Variants in FOXN3 observed in about 807,000 individuals in gnomAD.
FOXN3 encodes forkhead box protein N3.
In FOXN3, 7 loss-of-function variants were observed where a neutral mutation model predicts 38.4. The observed-to-expected ratio is 0.18, with a 90% confidence interval of 0.10 to 0.34. FOXN3 has a LOEUF of 0.34. FOXN3 is among the 10% of genes least tolerant of loss of function. FOXN3 has a pLI of 1.00. For synonymous variants in FOXN3, 230 were observed against 242.2 expected, an observed-to-expected ratio of 0.95 and a Z score of 0.47; for missense variants, 456 against 613.4, an observed-to-expected ratio of 0.74 and a Z score of 2.71.
intron 1 of FOXN3, among the ~76,000 whole-genome samples, chr14:89,447,203 GA>G (rs11384819): frequency 6.8e-4 from 92 of 136,226 alleles, no homozygotes; most frequent in Non-Finnish European, 7.8e-4. Flanking sequence ...TCACAAAAAG[GA>G]AAAAAAAAAA....
rs1034566394 is a variant in FOXN3 at position 89,193,003 on chromosome 14, A to AG, written c.746-12198dup. On this transcript the variant is annotated intron_variant, in intron 4 of 5. Coordinates refer to ENST00000557258, the MANE Select transcript of FOXN3 (RefSeq NM_005197.4). The stretch of plus-strand genomic sequence containing the variant: ...AGTCACAAGGGACAAGCAGTTCCTA[A>AG]GGGGGGCTGTTAAGGCCTCAGGCCT... 5.3e-5 allele frequency among the ~76,000 whole-genome samples: 8 copies of AG among 151,944 alleles called. No homozygotes were observed. The South Asian group carries it at 1.7e-3, about 32-fold the overall frequency.
intron 3 of FOXN3, among the ~76,000 whole-genome samples, chr14:89,318,480 T>C (rs957311607): frequency 2.0e-5 from 3 of 152,124 alleles, no homozygotes; most frequent in Admixed American, 1.3e-4. Flanking sequence ...CTCTCATTCA[T>C]TGATTCAGCA....
chr14:89,396,025 A>T (rs906292835), intron 2 of FOXN3, among the ~76,000 whole-genome samples: 1 of 152,200 alleles, frequency 6.6e-6, no homozygotes, highest in African/African-American at 2.4e-5. Context: ...GGATTTCATC[A>T]ATGGCTAAAT....
intron 2 of FOXN3, among the ~76,000 whole-genome samples, chr14:89,389,720 A>G (rs1025386182): frequency 1.8e-4 from 28 of 152,154 alleles, no homozygotes; most frequent in Non-Finnish European, 1.5e-5. Flanking sequence ...TAGGTGGCCA[A>G]ATTCACCATA....
intron 3 of FOXN3, among the ~76,000 whole-genome samples, chr14:89,316,669 A>ATTTTT (rs546352695): frequency 1.5e-5 from 2 of 135,348 alleles, no homozygotes; most frequent in African/African-American, 2.7e-5. Context: ...CCTATGATGA[A>ATTTTT]TTTTTTTTTT....
chr14:89,248,659 T>C (rs1885366769), intron 4 of FOXN3, among the ~76,000 whole-genome samples: 1 of 152,248 alleles, frequency 6.6e-6, no homozygotes, highest in Non-Finnish European at 1.5e-5. Context: ...TTTCACTTGG[T>C]GGGGAACAGT....
chr14:89,304,413 T>C (rs1462740973), intron 3 of FOXN3, among the ~76,000 whole-genome samples: 1 of 152,034 alleles, frequency 6.6e-6, no homozygotes, highest in Non-Finnish European at 1.5e-5. Context: ...GAGATGTTTG[T>C]TGAGATGTGA....
intron 1 of FOXN3, among the ~76,000 whole-genome samples, chr14:89,610,728 G>A (rs980008732): frequency 1.3e-5 from 2 of 152,162 alleles, no homozygotes; most frequent in African/African-American, 4.8e-5. Context: ...TAGTCTGTCT[G>A]GGAATGATTT....
chr14:89,322,348 G>T (rs984852857), intron 3 of FOXN3, among the ~76,000 whole-genome samples: 25 of 152,188 alleles, frequency 1.6e-4, no homozygotes, highest in African/African-American at 5.5e-4. Context: ...TCATCTATCA[G>T]TAGATGGTTA....
At chr14:89,415,086 G>A (rs1169608584) in intron 1 of FOXN3, among the ~76,000 whole-genome samples, 2 of 152,128 alleles carry the variant, frequency 1.3e-5, no homozygotes, top group Non-Finnish European at 2.9e-5. Flanking sequence ...AGCACCACTT[G>A]TCTTTCTTAA....
intron 1 of FOXN3, among the ~76,000 whole-genome samples, chr14:89,553,429 T>G (rs1462987956): frequency 6.6e-6 from 1 of 151,230 alleles, no homozygotes; most frequent in African/African-American, 2.4e-5. Flanking sequence ...AAGGAACCCT[T>G]TACTCAAATA....
chr14:89,404,472 TCCAGCCTG>T (rs1891334900), intron 2 of FOXN3, among the ~76,000 whole-genome samples: 1 of 115,488 alleles, frequency 8.7e-6, no homozygotes, highest in Non-Finnish European at 1.6e-5. Context: ...ACCACTGCAC[TCCAGCCTG>T]GGTGACAGAG....
Position 89,511,181 on chromosome 14 carries a change from CTTTCTTTCTTTTCTTTCTTTCTTTT to C in FOXN3, c.-14-98716_-14-98692del, listed in dbSNP as rs1894062859. On this transcript the variant is annotated intron_variant, in intron 1 of 6. Coordinates refer to the FOXN3 transcript ENST00000345097. Reference sequence around the variant, plus strand: ...TCTTTCTTTCTTTCTTTCTTTCTTTCTTTCTTTCTTTTCTTTCTTTCTTTTCTTTCTTTCTTTCTTTCTTTCTTTT... The same window carrying C: ...TCTTTCTTTCTTTCTTTCTTTCTTTCCTTTCTTTCTTTCTTTCTTTCTTTT... Among the ~76,000 whole-genome samples, 7 of 35,156 alleles carry C rather than the reference CTTTCTTTCTTTTCTTTCTTTCTTTT, an allele frequency of 2.0e-4. 2 individuals are homozygous for C. The highest frequency in any genetic ancestry group is 4.2e-4 in the African/African-American group (7 of 16,768). The allele number at this position is 35,156 out of a possible 152,430, so 23.1% of individuals were successfully genotyped here. A position where few individuals can be genotyped will look rare whatever the true frequency, so the allele number is the denominator to read the frequency against.
At chr14:89,397,451 A>AG (rs1329013061) in intron 2 of FOXN3, among the ~76,000 whole-genome samples, 1 of 151,754 alleles carries the variant, frequency 6.6e-6, no homozygotes, top group East Asian at 1.9e-4. Context: ...TAAAAAAAAA[A>AG]AAAAAAAAAG....
intron 1 of FOXN3, among the ~76,000 whole-genome samples, chr14:89,497,016 G>A (rs368096298): frequency 2.6e-5 from 4 of 152,092 alleles, no homozygotes; most frequent in African/African-American, 7.2e-5. Flanking sequence ...GTGCAATGAC[G>A]CAATCTCAGC....
intron 1 of FOXN3, among the ~76,000 whole-genome samples, chr14:89,492,093 C>A (rs530819771): frequency 2.0e-5 from 3 of 152,348 alleles, no homozygotes; most frequent in African/African-American, 7.2e-5. Context: ...AACTAGTCAT[C>A]CAAGTAGTTC....
chr14:89,301,783 T>A (rs560918995), intron 3 of FOXN3, among the ~76,000 whole-genome samples: 1 of 151,738 alleles, frequency 6.6e-6, no homozygotes, highest in Admixed American at 6.6e-5. Flanking sequence ...AAAAAAAAAA[T>A]TCCAAAAAGT....
chr14:89,349,754 GC>G (rs1888893320), intron 3 of FOXN3: 1 of 152,252 alleles, frequency 6.6e-6, no homozygotes, highest in Non-Finnish European at 1.5e-5. Flanking sequence ...ATCACTTTGT[GC>G]TCCCTCCTGC....
upstream of FOXN3, among the ~76,000 whole-genome samples, chr14:89,417,972 T>TG (rs1891799852): frequency 6.6e-6 from 1 of 152,310 alleles, no homozygotes; most frequent in African/African-American, 2.4e-5. Flanking sequence ...CATCTCAGTT[T>TG]GAGCTCTCAG....
Sources: gnomAD v4.1 joint callset for allele counts (sites outside exome capture counted in the v4.1 genomes callset) on GRCh38, gnomAD v4.1.1 for gene constraint, MANE v1.5 for transcripts, NCBI Gene and HGNC (gene_info 2026-07-23, HGNC 2026-07-21) for gene names.